The following STXBP5L variants were observed in gnomAD, a reference collection of about 807,000 sequenced individuals.
STXBP5L encodes syntaxin-binding protein 5-like.
In STXBP5L, 65 loss-of-function variants were observed where a neutral mutation model predicts 144.5. The ratio of observed to expected loss-of-function variants is 0.45; its 90% CI spans 0.37 to 0.55. The LOEUF (loss-of-function observed/expected upper bound fraction) is 0.55, where lower values mean the gene tolerates loss of function less well. STXBP5L is among the 20% of genes least tolerant of loss of function. STXBP5L has a pLI of 0.00. For missense variants in STXBP5L, 1,298 were observed against 1,405.5 expected, an observed-to-expected ratio of 0.92 and a Z score of 1.22; for synonymous variants, 505 against 469.6, an observed-to-expected ratio of 1.08 and a Z score of -0.97.
intron 9 of STXBP5L, among the ~76,000 whole-genome samples, chr3:121,165,527 G>A (rs562892603): frequency 6.6e-6 from 1 of 152,238 alleles, no homozygotes; most frequent in South Asian, 2.1e-4. Flanking sequence ...GTTTAGGTTG[G>A]ACATCTCTTT....
chr3:121,411,768 T>C (rs2047119029), intron 23 of STXBP5L, among the ~76,000 whole-genome samples: 1 of 151,782 alleles, frequency 6.6e-6, no homozygotes, highest in Non-Finnish European at 1.5e-5. Context: ...GTGTATAGAG[T>C]GAGTAAAGGA....
chr3:121,225,525 G>A (rs897638790), intron 11 of STXBP5L, among the ~76,000 whole-genome samples: 14 of 152,068 alleles, frequency 9.2e-5, no homozygotes, highest in African/African-American at 3.4e-4. Context: ...AATGGGACAA[G>A]CAGAAATGAC....
At chr3:121,209,807 C>A (rs1179933917) in intron 10 of STXBP5L, among the ~76,000 whole-genome samples, 1 of 152,142 alleles carries the variant, frequency 6.6e-6, no homozygotes, top group African/African-American at 2.4e-5. Flanking sequence ...GTATATGTGC[C>A]ACATTTTCTT....
intron 7 of STXBP5L, among the ~76,000 whole-genome samples, chr3:121,127,331 T>C (rs9872221): frequency 4.6e-5 from 7 of 152,062 alleles, no homozygotes; most frequent in African/African-American, 1.7e-4. Flanking sequence ...GACCACAAAG[T>C]GGATGACTTA....
chr3:120,991,449 A>T (rs1422045002), intron 3 of STXBP5L, among the ~76,000 whole-genome samples: 1 of 152,014 alleles, frequency 6.6e-6, no homozygotes, highest in Non-Finnish European at 1.5e-5. Flanking sequence ...TAGAACTAGA[A>T]ATACCATTTG....
chr3:120,908,854 G>T (rs1467787709), intron 1 of STXBP5L, among the ~76,000 whole-genome samples: 1 of 149,070 alleles, frequency 6.7e-6, no homozygotes, highest in Non-Finnish European at 1.5e-5. Flanking sequence ...ACGCGGGGAG[G>T]GAGATGAGGG....
intron 3 of STXBP5L, among the ~76,000 whole-genome samples, chr3:121,016,832 T>C (rs1290134307): frequency 6.6e-6 from 1 of 152,208 alleles, no homozygotes; most frequent in East Asian, 1.9e-4. Flanking sequence ...CCCACATGTG[T>C]TTACTGGTGA....
At chr3:121,207,735 C>T (rs2048394227) in intron 10 of STXBP5L, among the ~76,000 whole-genome samples, 1 of 152,162 alleles carries the variant, frequency 6.6e-6, no homozygotes, top group Admixed American at 6.5e-5. Context: ...TGAAAAAATG[C>T]TCATCATCAC....
At chr3:121,325,893 T>C (rs1176828280) in intron 20 of STXBP5L, among the ~76,000 whole-genome samples, 1 of 151,838 alleles carries the variant, frequency 6.6e-6, no homozygotes, top group East Asian at 1.9e-4. Flanking sequence ...TTTCCCAAGG[T>C]CACTGTGCTA....
In STXBP5L at chr3:121,023,780, A is replaced by T. The variant is rs550545702; in HGVS notation, c.288-17920A>T. 1.1e-4 allele frequency among the ~76,000 whole-genome samples: 16 copies of T among 152,180 alleles called. No homozygotes were observed. In the South Asian group the frequency reaches 3.3e-3, roughly 32 times the overall value. On this transcript the variant is annotated intron_variant, in intron 3 of 26. Transcript: ENST00000471454. ...AGACCTGACACCATAAAAATTCTAG[A>T]AGTCTCACTCCGTCGCCCAGGCTGG...
At chr3:121,216,756 T>A (rs2048790600) in intron 10 of STXBP5L, among the ~76,000 whole-genome samples, 1 of 152,178 alleles carries the variant, frequency 6.6e-6, no homozygotes, top group Non-Finnish European at 1.5e-5. Flanking sequence ...CAGGCAGGAA[T>A]GTTTAAGTCG....
chr3:121,072,263 C>T (rs184547247), intron 5 of STXBP5L, among the ~76,000 whole-genome samples: 1 of 152,308 alleles, frequency 6.6e-6, no homozygotes, highest in African/African-American at 2.4e-5. Context: ...TAGCCTCTGG[C>T]TTGAGGCAGC....
chr3:121,006,908 C>A (rs372953117), intron 3 of STXBP5L, among the ~76,000 whole-genome samples: 1 of 152,268 alleles, frequency 6.6e-6, no homozygotes, highest in South Asian at 2.1e-4. Context: ...AGAGTTTCTG[C>A]TGAGAGATCA....
At chr3:121,019,844 G>A (rs1199047240) in intron 3 of STXBP5L, among the ~76,000 whole-genome samples, 5 of 152,166 alleles carry the variant, frequency 3.3e-5, no homozygotes, top group Non-Finnish European at 5.9e-5. Flanking sequence ...ACACAATTCC[G>A]GTAATATGAC....
At chr3:121,350,168 T>C (rs2045212096) in intron 20 of STXBP5L, among the ~76,000 whole-genome samples, 1 of 152,144 alleles carries the variant, frequency 6.6e-6, no homozygotes, top group Admixed American at 6.6e-5. Flanking sequence ...TGACAAAATG[T>C]CTCAGCATTT....
At chr3:121,322,618 T>TG (rs2044012867) in intron 20 of STXBP5L, among the ~76,000 whole-genome samples, 1 of 151,724 alleles carries the variant, frequency 6.6e-6, no homozygotes, top group Non-Finnish European at 1.5e-5. Context: ...TGTATAGTGT[T>TG]GCAATGAACA....
intron 3 of STXBP5L, among the ~76,000 whole-genome samples, chr3:121,038,488 T>C (rs753516866): frequency 2.6e-5 from 4 of 151,958 alleles, no homozygotes; most frequent in Non-Finnish European, 5.9e-5. Context: ...TACTTTTAAA[T>C]GCTTTGATAC....
intron 9 of STXBP5L, among the ~76,000 whole-genome samples, chr3:121,200,001 A>G (rs1192855711): frequency 6.6e-6 from 1 of 152,130 alleles, no homozygotes; most frequent in Non-Finnish European, 1.5e-5. Flanking sequence ...GCCTCACAAA[A>G]TGAGTTAGGG....
At chr3:121,113,573 G>T (rs940046389) in intron 5 of STXBP5L, among the ~76,000 whole-genome samples, 8 of 151,592 alleles carry the variant, frequency 5.3e-5, no homozygotes, top group Non-Finnish European at 1.2e-4. Flanking sequence ...AATATATGAA[G>T]TTTGGTTCAA....
Sources: gnomAD v4.1 joint callset for allele counts (sites outside exome capture counted in the v4.1 genomes callset) on GRCh38, gnomAD v4.1.1 for gene constraint, MANE v1.5 for transcripts, NCBI Gene and HGNC (gene_info 2026-07-23, HGNC 2026-07-21) for gene names.